The following XKR4 variants were observed in gnomAD, a reference collection of about 807,000 sequenced individuals.
XKR4 encodes the protein XK related 4.
Under a neutral mutation model 53.9 loss-of-function variants are expected in XKR4, and 12 were observed. That is an observed-to-expected ratio of 0.22 (90% CI 0.14 to 0.36). The LOEUF (loss-of-function observed/expected upper bound fraction) is 0.36, where lower values mean the gene tolerates loss of function less well. XKR4 is among the 10% of genes least tolerant of loss of function. The pLI, the probability that XKR4 is intolerant of heterozygous loss-of-function variation, is 1.00. For synonymous variants in XKR4, 354 were observed against 362.4 expected, an observed-to-expected ratio of 0.98 and a Z score of 0.26; for missense variants, 799 against 859.5, an observed-to-expected ratio of 0.93 and a Z score of 0.88.
intron 2 of XKR4, among the ~76,000 whole-genome samples, chr8:55,362,910 A>G (rs773955849): frequency 2.0e-5 from 3 of 152,212 alleles, no homozygotes; most frequent in Non-Finnish European, 2.9e-5. Flanking sequence ...ATCACGGCAC[A>G]TAGCGGATGC....
chr8:55,268,366 A>G (rs1162104307), intron 1 of XKR4, among the ~76,000 whole-genome samples: 1 of 152,190 alleles, frequency 6.6e-6, no homozygotes, highest in Non-Finnish European at 1.5e-5. Context: ...AATTGGTATA[A>G]TGATACCAAT....
At chr8:55,490,142 A>G (rs545369803) in intron 2 of XKR4, among the ~76,000 whole-genome samples, 2 of 152,322 alleles carry the variant, frequency 1.3e-5, no homozygotes, top group Admixed American at 1.3e-4. Context: ...TACAACATAA[A>G]CTGTCTATAA....
At chr8:55,125,194 T>C (rs1816446860) in intron 1 of XKR4, among the ~76,000 whole-genome samples, 2 of 152,184 alleles carry the variant, frequency 1.3e-5, no homozygotes, top group African/African-American at 4.8e-5. Context: ...AAGTTCTATT[T>C]GCAGTTATTA....
At chr8:55,117,573 T>C (rs1284826497) in intron 1 of XKR4, among the ~76,000 whole-genome samples, 2 of 152,178 alleles carry the variant, frequency 1.3e-5, no homozygotes, top group Admixed American at 6.5e-5. Flanking sequence ...TCCGATCTTC[T>C]CATCAGGCTC....
intron 2 of XKR4, among the ~76,000 whole-genome samples, chr8:55,462,747 A>G (rs191637594): frequency 6.6e-6 from 1 of 152,330 alleles, no homozygotes; most frequent in Non-Finnish European, 1.5e-5. Flanking sequence ...GTGCAGAGAC[A>G]CACATAGGCT....
chr8:55,175,635 G>A (rs1252877522), intron 1 of XKR4, among the ~76,000 whole-genome samples: 2 of 152,132 alleles, frequency 1.3e-5, no homozygotes, highest in African/African-American at 2.4e-5. Context: ...TTTCTTAATG[G>A]CTAGGCCAGT....
chr8:55,270,298 A>T (rs906926915), intron 1 of XKR4, among the ~76,000 whole-genome samples: 2 of 152,054 alleles, frequency 1.3e-5, no homozygotes, highest in Non-Finnish European at 2.9e-5. Context: ...CTTCCCCTTT[A>T]TCATTGTCCC....
At chr8:55,380,403 A>G (rs1804214171) in intron 2 of XKR4, among the ~76,000 whole-genome samples, 1 of 152,236 alleles carries the variant, frequency 6.6e-6, no homozygotes. Flanking sequence ...CTCTCATAAT[A>G]ACCAAAATTA....
chr8:55,482,030 G>T (rs1022441649), intron 2 of XKR4, among the ~76,000 whole-genome samples: 1 of 152,170 alleles, frequency 6.6e-6, no homozygotes, highest in African/African-American at 2.4e-5. Context: ...ATTTGACCCA[G>T]CCATCCCATT....
rs776185325 is a variant in XKR4, at chr8:55,523,389, T to C, written c.1115T>C (p.Val372Ala). ...DDKKPISYMA[V>A]IIQFCWHFFT... ...AAGAAGCCCATCAGCTACATGGCCG[T>C]CATCATCCAGTTCTGCTGGCACTTC... is the stretch of plus-strand genomic sequence containing the variant. The change falls in exon 3 of 3, where the codon GTC becomes GCC. Residue 372 changes from valine to alanine, a missense_variant. Coordinates refer to ENST00000327381, the MANE Select transcript of XKR4 (RefSeq NM_052898.2). 1 of 1,614,210 alleles carries C rather than the reference T, an allele frequency of 6.2e-7. No homozygotes were observed. Among genetic ancestry groups the C allele is most frequent in the East Asian group, 2.2e-5 (1 of 44,876 alleles).
rs140127718 is a variant in XKR4, at chr8:55,438,354, G to A, written c.1006+80477G>A. Among the ~76,000 whole-genome samples, 1,471 of 152,126 alleles carry A rather than the reference G, an allele frequency of 9.7e-3. 11 individuals are homozygous for A. The highest frequency in any genetic ancestry group is 0.02 in the Middle Eastern group (6 of 294). On this transcript the variant is annotated intron_variant, in intron 2 of 2. Transcript: ENST00000327381. The stretch of plus-strand genomic sequence containing the variant: ...TGTAATCCAAGCACTTTGGGAGGCC[G>A]AGGCGGGCAGATCACAAGGTCAGGA...
chr8:55,443,382 C>A (rs913578494), intron 2 of XKR4, among the ~76,000 whole-genome samples: 5 of 150,992 alleles, frequency 3.3e-5, no homozygotes, highest in African/African-American at 1.2e-4. Context: ...TAAAATTCAA[C>A]AACCATGAGT....
At chr8:55,379,710 C>T (rs534075933) in intron 2 of XKR4, among the ~76,000 whole-genome samples, 8 of 152,294 alleles carry the variant, frequency 5.3e-5, no homozygotes, top group African/African-American at 1.4e-4. Flanking sequence ...TGGGGTCCAG[C>T]GGAATCAGGA....
At chr8:55,344,899 GAT>G (rs1470041832) in intron 1 of XKR4, among the ~76,000 whole-genome samples, 1 of 152,214 alleles carries the variant, frequency 6.6e-6, no homozygotes, top group Non-Finnish European at 1.5e-5. Context: ...CTTCATGAGA[GAT>G]ATGTATAAAA....
chr8:55,394,110 C>G lies in XKR4; in HGVS notation c.1006+36233C>G, dbSNP rs886577162. Among the ~76,000 whole-genome samples the G allele has an allele frequency of 2.4e-4, 37 of 152,224 alleles. 1 individual carries two copies. The highest frequency in any genetic ancestry group is 8.2e-4 in the African/African-American group (34 of 41,462). On this transcript the variant is annotated intron_variant, in intron 2 of 2. Transcript: ENST00000327381. ...TGGTAGCCAAAATGATAAAACTCAACTGCTTTTTTGAAGCCCAAGAAAACC... is the reference window on the plus strand; with the variant it reads ...TGGTAGCCAAAATGATAAAACTCAAGTGCTTTTTTGAAGCCCAAGAAAACC...
intron 1 of XKR4, among the ~76,000 whole-genome samples, chr8:55,271,000 G>A (rs1396766260): frequency 6.6e-6 from 1 of 152,132 alleles, no homozygotes; most frequent in Non-Finnish European, 1.5e-5. Flanking sequence ...GAGCTAGGGA[G>A]GCTGAGCATG....
At chr8:55,217,201 C>T (rs1414910379) in intron 1 of XKR4, among the ~76,000 whole-genome samples, 1 of 134,372 alleles carries the variant, frequency 7.4e-6, no homozygotes, top group Non-Finnish European at 1.5e-5. Flanking sequence ...AAGATCGCGC[C>T]ACTGCACTCC....
At position 55,541,523 on chromosome 8, in the gene XKR4, T is replaced by C. The variant is rs1428905352; in HGVS notation, c.*17296T>C. The C allele has an allele frequency of 6.6e-6, 1 of 152,164 alleles. No individual in the cohort carries two copies. Among genetic ancestry groups the C allele is most frequent in the Non-Finnish European group, 1.5e-5 (1 of 68,038 alleles). The allele number at this position is 152,164 out of a possible 1,614,324, so 9.4% of individuals were successfully genotyped here. ...AACTATCTGCATGACATTCTGATTG[T>C]GCAAAAATGCCATTCCTGTGCTTCC... is the stretch of plus-strand genomic sequence containing the variant. On this transcript the variant is annotated 3_prime_UTR_variant, in exon 3 of 3. Coordinates refer to ENST00000327381, the MANE Select transcript of XKR4 (RefSeq NM_052898.2).
At chr8:55,462,340 A>C (rs528830716) in intron 2 of XKR4, among the ~76,000 whole-genome samples, 1 of 152,222 alleles carries the variant, frequency 6.6e-6, no homozygotes, top group Non-Finnish European at 1.5e-5. Flanking sequence ...AAAGAAAAGA[A>C]TTTTCAACCC....
Sources: gnomAD v4.1 joint callset for allele counts (sites outside exome capture counted in the v4.1 genomes callset) on GRCh38, gnomAD v4.1.1 for gene constraint, MANE v1.5 for transcripts, NCBI Gene and HGNC (gene_info 2026-07-23, HGNC 2026-07-21) for gene names.